Variants in CSMD1 observed in about 807,000 individuals in gnomAD.
CSMD1 encodes the protein CUB and sushi domain-containing protein 1.
In CSMD1, 213 loss-of-function variants were observed where a neutral mutation model predicts 417.5. The observed-to-expected ratio is 0.51, with a 90% CI of 0.46 to 0.57. The LOEUF is 0.57. Ranked by LOEUF, CSMD1 falls within the 20% of genes least tolerant of loss-of-function variation. The pLI, the probability that CSMD1 is intolerant of heterozygous loss-of-function variation, is 0.00. For missense variants in CSMD1, 6,923 were observed against 4,529.7 expected (o/e 1.53, Z -15.17); for synonymous variants, 2,862 against 1,736.8 (o/e 1.65, Z -16.11).
At chr8:2,973,478 G>T (rs1804639494) in intron 56 of CSMD1, among the ~76,000 whole-genome samples, 179 bp from the exon 57 acceptor site, 1 of 152,146 alleles carries the variant, frequency 6.6e-6, no homozygotes, top group Non-Finnish European at 1.5e-5. Flanking sequence ...AAAATGAAAA[G>T]AATTTAGGAT....
chr8:3,997,643 C>A, intron 5 of CSMD1, among the ~76,000 whole-genome samples: 1 of 152,170 alleles, frequency 6.6e-6, no homozygotes, highest in Non-Finnish European at 1.5e-5. Flanking sequence ...TGCTTTAAAA[C>A]AGTCCAAAAA....
intron 5 of CSMD1, among the ~76,000 whole-genome samples, chr8:3,791,278 G>A (rs565092757): frequency 2.0e-5 from 3 of 152,076 alleles, no homozygotes; most frequent in Admixed American, 2.0e-4. Flanking sequence ...TGATAAACTT[G>A]CTCTAATTAA....
intron 1 of CSMD1, among the ~76,000 whole-genome samples, chr8:4,911,706 C>T (rs753840271): frequency 6.6e-6 from 1 of 152,138 alleles, no homozygotes; most frequent in African/African-American, 2.4e-5. Context: ...TATAACCACC[C>T]AGAAACTGAA....
intron 23 of CSMD1, among the ~76,000 whole-genome samples, chr8:3,310,146 G>A (rs187320544): frequency 2.0e-5 from 3 of 152,138 alleles, no homozygotes; most frequent in Admixed American, 6.6e-5. Context: ...AATCACCTCC[G>A]GTTTCAGGGT....
chr8:4,632,626 C>T (rs1268804761), intron 2 of CSMD1, among the ~76,000 whole-genome samples: 1 of 152,052 alleles, frequency 6.6e-6, no homozygotes, highest in Admixed American at 6.6e-5. Flanking sequence ...TCTGAATGTA[C>T]AAAGATATAC....
intron 1 of CSMD1, among the ~76,000 whole-genome samples, chr8:4,979,139 T>A (rs558185365): frequency 6.6e-6 from 1 of 152,308 alleles, no homozygotes; most frequent in African/African-American, 2.4e-5. Context: ...AGTCTCTAAT[T>A]GTATTCAAGC....
At chr8:4,529,801 G>A (rs1194664316) in intron 2 of CSMD1, among the ~76,000 whole-genome samples, 1 of 150,906 alleles carries the variant, frequency 6.6e-6, no homozygotes, top group Admixed American at 6.6e-5. Flanking sequence ...AAATCTTTAG[G>A]TACAAATTTT....
At chr8:3,559,507 G>A (rs1229019760) in intron 10 of CSMD1, among the ~76,000 whole-genome samples, 4 of 152,262 alleles carry the variant, frequency 2.6e-5, no homozygotes, top group South Asian at 2.1e-4. Context: ...GAAGAAGAAC[G>A]AGGAGGAGAA....
At chr8:3,506,524 G>T (rs966970739) in intron 10 of CSMD1, among the ~76,000 whole-genome samples, 1 of 152,166 alleles carries the variant, frequency 6.6e-6, no homozygotes, top group East Asian at 1.9e-4. Flanking sequence ...TGGAGCAGCA[G>T]TTACACAGAT....
At chr8:4,471,693 G>A (rs111389071) in intron 2 of CSMD1, among the ~76,000 whole-genome samples, 5 of 152,046 alleles carry the variant, frequency 3.3e-5, no homozygotes, top group Admixed American at 1.3e-4. Flanking sequence ...AACGCAGAGA[G>A]AACACGACCC....
chr8:4,401,478 C>A (rs1395152923), intron 3 of CSMD1, among the ~76,000 whole-genome samples: 1 of 152,092 alleles, frequency 6.6e-6, no homozygotes, highest in African/African-American at 2.4e-5. Flanking sequence ...GCCCAAGCAG[C>A]ACCATCCCCT....
chr8:3,120,704 A>G (rs6982843), intron 41 of CSMD1, among the ~76,000 whole-genome samples: 26,444 of 148,672 alleles, frequency 0.18, 3,989 homozygotes, highest in African/African-American at 0.4. Context: ...AAAATTAGCC[A>G]GGGGGGGTGA....
chr8:3,818,595 G>A (rs1057304309), intron 5 of CSMD1, among the ~76,000 whole-genome samples: 11 of 151,902 alleles, frequency 7.2e-5, no homozygotes, highest in African/African-American at 1.2e-4. Flanking sequence ...AATGAGAAGT[G>A]CTAGAAAAGG....
intron 33 of CSMD1, among the ~76,000 whole-genome samples, chr8:3,190,756 A>G (rs1796369939): frequency 6.6e-6 from 1 of 152,222 alleles, no homozygotes; most frequent in Admixed American, 6.5e-5. Flanking sequence ...CATCAGATGA[A>G]CAGATAAAGA....
chr8:4,238,168 G>T (rs576049489), intron 3 of CSMD1, among the ~76,000 whole-genome samples: 1 of 152,308 alleles, frequency 6.6e-6, no homozygotes, highest in Non-Finnish European at 1.5e-5. Flanking sequence ...AATCCCAAAG[G>T]ACATCTTAGA....
intron 3 of CSMD1, among the ~76,000 whole-genome samples, chr8:4,308,869 A>G (rs1798401958): frequency 6.6e-6 from 1 of 152,192 alleles, no homozygotes; most frequent in African/African-American, 2.4e-5. Context: ...TAATGATTAT[A>G]TTATAGCTAT....
chr8:3,284,683 T>A (rs932426397), intron 25 of CSMD1: 32 of 261,198 alleles, frequency 1.2e-4, no homozygotes, highest in African/African-American at 5.5e-4. Context: ...AAACCAAATA[T>A]AAGCTTGGCA....
intron 2 of CSMD1, among the ~76,000 whole-genome samples, chr8:4,449,294 G>A (rs1426951924): frequency 6.6e-6 from 1 of 152,150 alleles, no homozygotes; most frequent in Non-Finnish European, 1.5e-5. Context: ...TGTTTTACCA[G>A]GAGCAGATGA....
chr8:4,071,333 C>T (rs1053655160), intron 3 of CSMD1, among the ~76,000 whole-genome samples: 5 of 152,088 alleles, frequency 3.3e-5, no homozygotes, highest in Non-Finnish European at 7.3e-5. Flanking sequence ...ATTGGACTAA[C>T]ATCATCAAGC....
Sources: allele counts gnomAD v4.1 joint callset (sites outside exome capture counted in the v4.1 genomes callset), GRCh38; gene constraint gnomAD v4.1.1; transcripts MANE v1.5; gene names NCBI Gene and HGNC (gene_info 2026-07-23, HGNC 2026-07-21).